Variants in SRBD1 observed in about 807,000 individuals in gnomAD.
SRBD1 encodes the protein S1 RNA-binding domain-containing protein 1.
Under a neutral mutation model 115.3 loss-of-function variants are expected in SRBD1, and 88 were observed. That is an observed-to-expected ratio of 0.76 (90% confidence interval 0.64 to 0.91). The LOEUF (loss-of-function observed/expected upper bound fraction) is 0.91. SRBD1 is among the 40% of genes least tolerant of loss of function. SRBD1 has a pLI of 0.00. For synonymous variants in SRBD1, 509 were observed against 407.7 expected (o/e 1.25, Z -2.99); for missense variants, 1,385 against 1,177.4 (o/e 1.18, Z -2.58).
rs1386022284 is a variant in SRBD1, at chr2:45,546,898, G to A, written c.1767-59C>T. 6 of 1,507,426 alleles carry A rather than the reference G, an allele frequency of 4.0e-6. No homozygotes were observed. The Admixed American group carries it at 6.7e-5, about 17-fold the overall frequency. The allele number at this position is 1,507,426 out of a possible 1,614,324, so 93.4% of individuals were successfully genotyped here. Reference sequence around the variant, plus strand: ...TCAAGGCATGCTTTGAAATCAGCTGGAGAAAATGTACAGAATGCACAAATA... The same window carrying A: ...TCAAGGCATGCTTTGAAATCAGCTGAAGAAAATGTACAGAATGCACAAATA... On this transcript the variant is annotated intron_variant, in intron 13 of 20. Transcript: ENST00000263736.
chr2:45,488,099 C>A, intron 15 of SRBD1, 141 bp downstream of exon 15: 3 of 679,386 alleles, frequency 4.4e-6, no homozygotes, highest in Non-Finnish European at 7.6e-6. Flanking sequence ...TCCAATTAAC[C>A]ACTTTCTTTC....
chr2:45,399,269 C>G (rs539070071), intron 19 of SRBD1, among the ~76,000 whole-genome samples: 7 of 152,196 alleles, frequency 4.6e-5, no homozygotes, highest in Admixed American at 3.3e-4. Context: ...CAGCTTTATT[C>G]AATAAACATT....
chr2:45,472,473 G>A (rs1669678150), intron 16 of SRBD1, among the ~76,000 whole-genome samples: 1 of 152,092 alleles, frequency 6.6e-6, no homozygotes, highest in Admixed American at 6.6e-5. Flanking sequence ...AATAAAGCTG[G>A]GTTTGTCTTT....
chr2:45,509,598 A>AACACACACACACACAC (rs1179307941), intron 14 of SRBD1, among the ~76,000 whole-genome samples: 21 of 125,522 alleles, frequency 1.7e-4, no homozygotes, highest in East Asian at 7.4e-4. Context: ...TCCGTCTCAA[A>AACACACACACACACAC]ACACACACAC....
chr2:45,486,473 A>C (rs1038689207), intron 15 of SRBD1, among the ~76,000 whole-genome samples: 1 of 152,148 alleles, frequency 6.6e-6, no homozygotes, highest in African/African-American at 2.4e-5. Flanking sequence ...CACGCCTGTA[A>C]TCCCAGCACT....
intron 16 of SRBD1, among the ~76,000 whole-genome samples, chr2:45,437,933 T>C (rs953212867): frequency 1.1e-4 from 16 of 152,222 alleles, no homozygotes; most frequent in African/African-American, 3.4e-4. Context: ...TTAGTGTCTT[T>C]ATGATACTAT....
intron 20 of SRBD1, among the ~76,000 whole-genome samples, chr2:45,390,740 C>G (rs1184473490): frequency 6.6e-6 from 1 of 152,152 alleles, no homozygotes; most frequent in East Asian, 1.9e-4. Context: ...ACTGGTCACC[C>G]CTTTCTTCCC....
chr2:45,562,966 C>T (rs2104105443), intron 9 of SRBD1, among the ~76,000 whole-genome samples: 1 of 152,266 alleles, frequency 6.6e-6, no homozygotes, highest in Non-Finnish European at 1.5e-5. Context: ...AATGCAGATA[C>T]AAAGCCTATC....
rs566166242 is a variant in SRBD1 at position 45,419,957 on chromosome 2, C to G, written c.2050-63G>C. On this transcript the variant is annotated intron_variant, in intron 16 of 20. Coordinates refer to ENST00000263736, the MANE Select transcript of SRBD1 (RefSeq NM_018079.5). The stretch of plus-strand genomic sequence containing the variant: ...ATGTAGTTCTTGGACTATTCCATTA[C>G]TCTGCCTATATTACTGGTGGTTAGC... 9 of 1,424,568 alleles carry G rather than the reference C, an allele frequency of 6.3e-6. No individual in the cohort carries two copies. In the African/African-American group the frequency reaches 1.3e-4, roughly 20 times the overall value. The allele number at this position is 1,424,568 out of a possible 1,614,324, so 88.2% of individuals were successfully genotyped here.
chr2:45,533,043 T>A (rs3770285), intron 14 of SRBD1, among the ~76,000 whole-genome samples: 1 of 151,904 alleles, frequency 6.6e-6, no homozygotes, highest in East Asian at 1.9e-4. Context: ...AATAAGAAAC[T>A]GAATACATTT....
intron 14 of SRBD1, among the ~76,000 whole-genome samples, chr2:45,516,890 A>G (rs1018983419): frequency 6.6e-6 from 1 of 152,212 alleles, no homozygotes; most frequent in African/African-American, 2.4e-5. Flanking sequence ...CACTCAATGT[A>G]TGAGTACCAT....
chr2:45,424,981 G>A (rs1572626436), intron 16 of SRBD1, among the ~76,000 whole-genome samples: 1 of 152,194 alleles, frequency 6.6e-6, no homozygotes, highest in East Asian at 1.9e-4. Context: ...AACTTAGCGA[G>A]AATGGCAGGT....
chr2:45,549,078 G>A (rs947595880), intron 12 of SRBD1: 1 of 152,194 alleles, frequency 6.6e-6, no homozygotes, highest in African/African-American at 2.4e-5. Context: ...CTTCTGAAAG[G>A]ATTGGAAAAC....
chr2:45,503,352 C>A (rs563687131), intron 14 of SRBD1, among the ~76,000 whole-genome samples: 22 of 152,070 alleles, frequency 1.4e-4, no homozygotes, highest in Admixed American at 1.4e-3. Context: ...TGGATTGCTG[C>A]GCCAGTGTTT....
chr2:45,410,695 C>A (rs948731438), intron 19 of SRBD1, among the ~76,000 whole-genome samples: 1 of 152,170 alleles, frequency 6.6e-6, no homozygotes, highest in Admixed American at 6.5e-5. Flanking sequence ...CAGCTCCAGA[C>A]CCCCAACCTC....
At chr2:45,523,539 T>C (rs554650789) in intron 14 of SRBD1, among the ~76,000 whole-genome samples, 1 of 151,818 alleles carries the variant, frequency 6.6e-6, no homozygotes, top group East Asian at 1.9e-4. Flanking sequence ...CTTAGAGAAT[T>C]AAAAATTATT....
chr2:45,587,220 A>G (rs1673577123), intron 4 of SRBD1, among the ~76,000 whole-genome samples: 1 of 139,826 alleles, frequency 7.2e-6, no homozygotes, highest in Non-Finnish European at 1.6e-5. Context: ...AAAATATTAT[A>G]AATATTAAGA....
intron 10 of SRBD1, among the ~76,000 whole-genome samples, chr2:45,560,776 T>C (rs138984871): frequency 1.3e-5 from 2 of 152,240 alleles, no homozygotes; most frequent in African/African-American, 4.8e-5. Context: ...CATTGGAATT[T>C]ATTTGCTTAT....
intron 14 of SRBD1, among the ~76,000 whole-genome samples, chr2:45,523,933 G>C (rs1401985869): frequency 1.3e-5 from 2 of 151,878 alleles, no homozygotes; most frequent in Non-Finnish European, 2.9e-5. Context: ...CAAAATACTA[G>C]CAAACCAAAT....
Sources: allele counts gnomAD v4.1 joint callset (sites outside exome capture counted in the v4.1 genomes callset), GRCh38; gene constraint gnomAD v4.1.1; transcripts MANE v1.5; gene names NCBI Gene and HGNC (gene_info 2026-07-23, HGNC 2026-07-21).